Variants in CCDC160 observed in about 807,000 individuals in gnomAD.
CCDC160 encodes coiled-coil domain-containing protein 160.
For synonymous variants in CCDC160, 94 were observed against 79.4 expected, an observed-to-expected ratio of 1.18 and a Z score of -0.98; for missense variants, 227 against 215.6, an observed-to-expected ratio of 1.05 and a Z score of -0.33.
intron 1 of CCDC160, among the ~76,000 whole-genome samples, chrX:134,239,166 C>A: frequency 8.9e-6 from 1 of 112,183 alleles, no homozygotes; most frequent in East Asian, 2.8e-4. Flanking sequence ...AAGGATCATT[C>A]ATTAAACAAA....
chrX:134,241,425 C>T (rs1242995036), intron 1 of CCDC160, among the ~76,000 whole-genome samples: 1 of 111,242 alleles, frequency 9.0e-6, no homozygotes, highest in Non-Finnish European at 1.9e-5. Flanking sequence ...TATTACTTTG[C>T]CACTGCAAAA....
At chrX:134,245,916 T>C (rs1602650587), downstream of CCDC160, 3 of 445,975 alleles carry the variant, frequency 6.7e-6, no homozygotes, top group Admixed American at 5.2e-5. Context: ...ATAAAACATA[T>C]ACATGTTTCC....
rs200193448 is a variant in CCDC160, at chrX:134,245,147, A to G, written c.347A>G (p.Asp116Gly). The change falls in exon 2 of 2, where the codon GAT becomes GGT. Residue 116 changes from aspartate (D) to glycine (G), a missense_variant. By Grantham distance (94) the Asp-to-Gly change is moderately conservative. Transcript: ENST00000370809. ...GAAGAAAGCTTTAACAGCACAGAAGATAACTCTACCTGCAGTACAGATAAC... is the reference window on the plus strand; with the variant it reads ...GAAGAAAGCTTTAACAGCACAGAAGGTAACTCTACCTGCAGTACAGATAAC... The G allele has an allele frequency of 1.3e-4, 152 of 1,195,812 alleles. No homozygotes were observed. Among genetic ancestry groups the G allele is most frequent in the Non-Finnish European group, 1.6e-4 (146 of 887,788 alleles).
In CCDC160 at chrX:134,241,001, A is replaced by G. The variant is rs112276594; in HGVS notation, c.-25+3658A>G. 1.1e-3 allele frequency among the ~76,000 whole-genome samples: 119 copies of G among 110,777 alleles called. 1 individual carries two copies. Among genetic ancestry groups the G allele is most frequent in the African/African-American group, 3.8e-3 (115 of 30,516 alleles). Reference sequence around the variant, plus strand: ...TAAATGGGATAAGGCAACAGAAAAAAAAAATTGATTTATGTCATCAAATTT... The same window carrying G: ...TAAATGGGATAAGGCAACAGAAAAAGAAAATTGATTTATGTCATCAAATTT... On this transcript the variant is annotated intron_variant, in intron 1 of 1. Coordinates refer to ENST00000370809, the Ensembl canonical transcript of CCDC160.
At chrX:134,237,950 A>G (rs189028855) in intron 1 of CCDC160, among the ~76,000 whole-genome samples, 17 of 111,816 alleles carry the variant, frequency 1.5e-4, no homozygotes, top group Admixed American at 3.8e-4. Context: ...AGAGAAGACA[A>G]TTTGTCCCGG....
chrX:134,245,652 A>G, exon 2 of CCDC160: 1 of 1,208,630 alleles, frequency 8.3e-7, no homozygotes, highest in African/African-American at 1.7e-5. Context: ...TCAAGAATGA[A>G]CTGAGAACTG....
At chrX:134,240,299 TAA>T (rs1174351298) in intron 1 of CCDC160, among the ~76,000 whole-genome samples, 1 of 112,481 alleles carries the variant, frequency 8.9e-6, no homozygotes, top group Non-Finnish European at 1.9e-5. Flanking sequence ...GCAGTTTTTC[TAA>T]GAGTCCAGAG....
At chrX:134,246,392 A>T (rs762792985), downstream of CCDC160, among the ~76,000 whole-genome samples, 1 of 111,759 alleles carries the variant, frequency 8.9e-6, no homozygotes, top group South Asian at 3.8e-4. Context: ...CGGTTCCCAT[A>T]GACTACAAGA....
chrX:134,245,633 TCAGTGTCATCAA>T, exon 2 of CCDC160: 1 of 1,209,394 alleles, frequency 8.3e-7, no homozygotes, highest in Non-Finnish European at 1.1e-6. Flanking sequence ...CGCGGAGAGC[TCAGTGTCATCAA>T]GAATGAACTG....
intron 1 of CCDC160, among the ~76,000 whole-genome samples, chrX:134,242,563 AAGTG>A (rs1189695237): frequency 5.2e-4 from 55 of 104,792 alleles, no homozygotes; most frequent in Non-Finnish European, 8.7e-4. Flanking sequence ...GAAAATTAAA[AAGTG>A]TGTGTGTGTG....
At chrX:134,245,257 G>A in exon 2 of CCDC160, 1 of 1,190,444 alleles carries the variant, frequency 8.4e-7, no homozygotes, top group African/African-American at 1.8e-5. Context: ...TTTGAATGAA[G>A]AACTGGAAGA....
intron 1 of CCDC160, among the ~76,000 whole-genome samples, chrX:134,240,664 CTTTTTTTT>C (rs3045487): frequency 3.3e-4 from 9 of 27,169 alleles, no homozygotes; most frequent in East Asian, 2.0e-3. Context: ...AAACCAAATT[CTTTTTTTT>C]TTTTTTTTTT....
At chrX:134,240,664 C>CTATTT in intron 1 of CCDC160, among the ~76,000 whole-genome samples, 1 of 27,165 alleles carries the variant, frequency 3.7e-5, no homozygotes. Flanking sequence ...AAACCAAATT[C>CTATTT]TTTTTTTTTT....
At chrX:134,242,101 G>GA (rs986249663) in intron 1 of CCDC160, among the ~76,000 whole-genome samples, 15 of 106,445 alleles carry the variant, frequency 1.4e-4, no homozygotes, top group East Asian at 1.2e-3. Flanking sequence ...AAAGAGAGAA[G>GA]AAAAAAAAAA....
At chrX:134,244,815 A>G in exon 2 of CCDC160, 1 of 1,165,749 alleles carries the variant, frequency 8.6e-7, no homozygotes, top group Middle Eastern at 2.4e-4. Context: ...ATGCTAGAAG[A>G]AAACACTGGA....
At chrX:134,245,153 C>G in exon 2 of CCDC160, 3 of 1,197,349 alleles carry the variant, frequency 2.5e-6, no homozygotes. Flanking sequence ...GAAGATAACT[C>G]TACCTGCAGT....
intron 1 of CCDC160, among the ~76,000 whole-genome samples, chrX:134,239,222 C>G (rs1440881717): frequency 1.8e-5 from 2 of 111,864 alleles, no homozygotes; most frequent in African/African-American, 6.5e-5. Context: ...GCCAGGCCAT[C>G]ATAGCATATT....
At chrX:134,239,017 T>A (rs2077019237) in intron 1 of CCDC160, among the ~76,000 whole-genome samples, 177 bp downstream of exon 2, 1 of 111,673 alleles carries the variant, frequency 9.0e-6, no homozygotes, top group Admixed American at 9.5e-5. Flanking sequence ...CCAAATAAAC[T>A]TCAAGGGAAA....
chrX:134,245,590 A>G, exon 2 of CCDC160: 1 of 1,207,458 alleles, frequency 8.3e-7, no homozygotes, highest in Non-Finnish European at 1.1e-6. Context: ...AGAAGAAATG[A>G]AATCATATTA....
Sources: gnomAD v4.1 joint callset for allele counts (sites outside exome capture counted in the v4.1 genomes callset) on GRCh38, gnomAD v4.1.1 for gene constraint, MANE v1.5 for transcripts, NCBI Gene and HGNC (gene_info 2026-07-23, HGNC 2026-07-21) for gene names.